Variants in CYP2C19 observed in about 807,000 individuals in gnomAD.
CYP2C19 encodes cytochrome P450 2C19.
CYP2C19 carries 59 observed loss-of-function variants against 40.9 expected under a neutral mutation model. The observed-to-expected ratio is 1.44, with a 90% CI of 1.17 to 1.79. The LOEUF (loss-of-function observed/expected upper bound fraction) is 1.79. CYP2C19 is among the 40% of genes most tolerant of loss of function. The pLI is 0.00. For synonymous variants in CYP2C19, 253 were observed against 208.7 expected (o/e 1.21, Z -1.83); for missense variants, 754 against 596.9 (o/e 1.26, Z -2.74).
intron 5 of CYP2C19, among the ~76,000 whole-genome samples, chr10:94,811,378 C>A (rs1403512782): frequency 6.6e-6 from 1 of 152,034 alleles, no homozygotes; most frequent in African/African-American, 2.4e-5. Flanking sequence ...GTGGAGAGTT[C>A]TTTAGATATC....
chr10:94,829,211 G>A (rs1054358337), intron 6 of CYP2C19, among the ~76,000 whole-genome samples: 1 of 152,152 alleles, frequency 6.6e-6, no homozygotes. Flanking sequence ...ACGTTGGCCT[G>A]CCGTGCTAGA....
intron 5 of CYP2C19, among the ~76,000 whole-genome samples, chr10:94,811,831 T>C (rs1368239300): frequency 6.6e-6 from 1 of 152,046 alleles, no homozygotes; most frequent in Non-Finnish European, 1.5e-5. Context: ...CTCTATCCAA[T>C]TTGCCAGTCT....
intron 6 of CYP2C19, among the ~76,000 whole-genome samples, chr10:94,840,506 A>T (rs1324733480): frequency 6.6e-6 from 1 of 152,146 alleles, no homozygotes; most frequent in Non-Finnish European, 1.5e-5. Flanking sequence ...GCTAGAGGAA[A>T]TGAAAGTCTG....
intron 1 of CYP2C19, among the ~76,000 whole-genome samples, chr10:94,767,142 C>A (rs1218270049): frequency 6.6e-6 from 1 of 152,096 alleles, no homozygotes; most frequent in Non-Finnish European, 1.5e-5. Context: ...GTGAGAATTT[C>A]GGATTCTCAA....
intron 3 of CYP2C19, among the ~76,000 whole-genome samples, chr10:94,779,064 G>A (rs1000445588): frequency 1.3e-5 from 2 of 152,080 alleles, no homozygotes; most frequent in African/African-American, 4.8e-5. Flanking sequence ...GTTGAAAAAT[G>A]AGAACACATG....
chr10:94,819,004 G>A (rs1310110897), intron 5 of CYP2C19, among the ~76,000 whole-genome samples: 2 of 149,594 alleles, frequency 1.3e-5, no homozygotes, highest in African/African-American at 4.9e-5. Flanking sequence ...GCTCTCCTCA[G>A]CAAATGTAAA....
At chr10:94,822,068 T>A (rs1849132398) in intron 6 of CYP2C19, among the ~76,000 whole-genome samples, 1 of 152,194 alleles carries the variant, frequency 6.6e-6, no homozygotes, top group Non-Finnish European at 1.5e-5. Flanking sequence ...TGTATTAGAT[T>A]GCTTAGGATA....
chr10:94,790,161 A>C (rs571136943), intron 5 of CYP2C19, among the ~76,000 whole-genome samples: 41 of 152,228 alleles, frequency 2.7e-4, no homozygotes, highest in Admixed American at 4.6e-4. Flanking sequence ...TTATTGGTGT[A>C]TAGGAATGCT....
Position 94,780,403 on chromosome 10 carries a change from AC to A in CYP2C19, c.482-95del. 6 of 1,472,990 alleles carry A rather than the reference AC, an allele frequency of 4.1e-6. No individual in the cohort carries two copies. In the South Asian group the frequency reaches 6.6e-5, roughly 16 times the overall value. The allele number at this position is 1,472,990 out of a possible 1,614,324, so 91.2% of individuals were successfully genotyped here. A position where few individuals can be genotyped will look rare whatever the true frequency, so the allele number is the denominator to read the frequency against. On this transcript the variant is annotated intron_variant, in intron 3 of 8. Coordinates refer to ENST00000371321, the MANE Select transcript of CYP2C19 (RefSeq NM_000769.4). ...TAAGGGAATTCATAGGTAAGATATTACTTAAAATTTCTAAACTATTATTATC... is the reference window on the plus strand; with the variant it reads ...TAAGGGAATTCATAGGTAAGATATTATTAAAATTTCTAAACTATTATTATC...
At chr10:94,828,176 G>A (rs1407306204) in intron 6 of CYP2C19, among the ~76,000 whole-genome samples, 2 of 152,098 alleles carry the variant, frequency 1.3e-5, no homozygotes, top group Admixed American at 1.3e-4. Context: ...ATGCCTATTA[G>A]GTCCGCTTGG....
chr10:94,780,381 G>A, intron 3 of CYP2C19, 118 bp from the exon 4 acceptor site: 1 of 1,330,916 alleles, frequency 7.5e-7, no homozygotes, highest in East Asian at 2.5e-5. Flanking sequence ...TTGCTTTTAA[G>A]GGAATTCATA....
chr10:94,763,843 T>C (rs1848206453), intron 1 of CYP2C19, among the ~76,000 whole-genome samples: 1 of 152,090 alleles, frequency 6.6e-6, no homozygotes, highest in South Asian at 2.1e-4. Flanking sequence ...CCACGGACCC[T>C]CGTGGTGAGT....
chr10:94,851,364 AG>A (rs1191082524), intron 8 of CYP2C19, among the ~76,000 whole-genome samples: 1 of 152,018 alleles, frequency 6.6e-6, no homozygotes, highest in Non-Finnish European at 1.5e-5. Context: ...ACCTTCTACC[AG>A]GTATCTCCCC....
chr10:94,800,441 C>T (rs949679315), intron 5 of CYP2C19, among the ~76,000 whole-genome samples: 1 of 152,200 alleles, frequency 6.6e-6, no homozygotes, highest in East Asian at 1.9e-4. Flanking sequence ...CTGTTGGCCC[C>T]TACTGGGAGT....
intron 5 of CYP2C19, among the ~76,000 whole-genome samples, chr10:94,793,447 G>T (rs755216303): frequency 3.3e-5 from 5 of 152,124 alleles, no homozygotes; most frequent in Non-Finnish European, 4.4e-5. Flanking sequence ...CTGATTTTTA[G>T]AATTTTCAGA....
chr10:94,849,517 C>T (rs1224713184), intron 7 of CYP2C19, among the ~76,000 whole-genome samples: 1 of 151,576 alleles, frequency 6.6e-6, no homozygotes, highest in Non-Finnish European at 1.5e-5. Flanking sequence ...TTTTAGGGTA[C>T]ATGTGCACAA....
chr10:94,786,049 C>A (rs1049568665), intron 5 of CYP2C19, among the ~76,000 whole-genome samples: 8 of 152,046 alleles, frequency 5.3e-5, no homozygotes, highest in African/African-American at 1.9e-4. Flanking sequence ...CTCCTTCCCC[C>A]TCTTTGGATG....
chr10:94,777,969 AC>A (rs1419599681), intron 3 of CYP2C19, among the ~76,000 whole-genome samples: 5 of 150,390 alleles, frequency 3.3e-5, no homozygotes, highest in South Asian at 4.3e-4. Context: ...AACAACAACA[AC>A]AAAAAAAAAC....
intron 5 of CYP2C19, among the ~76,000 whole-genome samples, chr10:94,817,554 C>G (rs1476055246): frequency 6.9e-6 from 1 of 145,112 alleles, no homozygotes; most frequent in East Asian, 2.0e-4. Flanking sequence ...ATGGTAGTTT[C>G]TTTTGCTGTG....
Sources: gnomAD v4.1 joint callset for allele counts (sites outside exome capture counted in the v4.1 genomes callset) on GRCh38, gnomAD v4.1.1 for gene constraint, MANE v1.5 for transcripts, NCBI Gene and HGNC (gene_info 2026-07-23, HGNC 2026-07-21) for gene names.